The following EYS variants were observed in gnomAD, a reference collection of about 807,000 sequenced individuals.
The protein encoded by EYS is EGF-like photoreceptor maintenance factor.
Under a neutral mutation model 282.1 loss-of-function variants are expected in EYS, and 250 were observed. That is an observed-to-expected ratio of 0.89 (90% CI 0.80 to 0.98). The LOEUF (loss-of-function observed/expected upper bound fraction) is 0.98, where lower values mean the gene tolerates loss of function less well. Ranked by LOEUF, EYS falls within the 50% of genes least tolerant of loss-of-function variation. The pLI is 0.00. For synonymous variants in EYS, 1,355 were observed against 1,282.9 expected (o/e 1.06, Z -1.20); for missense variants, 4,016 against 3,709.0 (o/e 1.08, Z -2.15).
At position 64,593,284 on chromosome 6, in the gene EYS, C is replaced by A; in HGVS notation, c.3710G>T (p.Gly1237Val). 6.5e-7 allele frequency: 1 copy of A among 1,550,186 alleles called. No individual in the cohort carries two copies. Among genetic ancestry groups the A allele is most frequent in the Non-Finnish European group, 8.7e-7 (1 of 1,146,162 alleles). Residue 1237 changes from glycine to valine, a missense_variant, in exon 25 of 43, where the codon GGT becomes GTT. Gly to Val is a moderately radical substitution (Grantham distance 109). Transcript: ENST00000503581. ...ACAGGTAATTCTCCTTATTTCATCA[C>A]CACAAAGAAGCCCAATGGAGCAGGT... ...FMTCSIGLLCGDEIRRITCLT... is the reference protein window; with the variant it reads ...FMTCSIGLLCVDEIRRITCLT...
At chr6:65,104,719 G>T (rs915723773) in intron 12 of EYS, among the ~76,000 whole-genome samples, 1 of 150,926 alleles carries the variant, frequency 6.6e-6, no homozygotes, top group Non-Finnish European at 1.5e-5. Context: ...AGTTTGTATC[G>T]AATACAAAAT....
chr6:65,088,023 A>G (rs1774437211), intron 12 of EYS, among the ~76,000 whole-genome samples: 1 of 151,822 alleles, frequency 6.6e-6, no homozygotes, highest in African/African-American at 2.4e-5. Flanking sequence ...CTCACTCCAT[A>G]CTCCTGTCCT....
At chr6:64,235,038 C>T (rs35150413) in intron 30 of EYS, among the ~76,000 whole-genome samples, 38,781 of 151,492 alleles carry the variant, frequency 0.26, 5,456 homozygotes, top group East Asian at 0.44. Context: ...CCACCACACC[C>T]GGCTAATTTT....
At chr6:65,259,439 A>C (rs1385065591) in intron 12 of EYS, among the ~76,000 whole-genome samples, 2 of 152,108 alleles carry the variant, frequency 1.3e-5, no homozygotes, top group Non-Finnish European at 2.9e-5. Context: ...TTTGTGCACC[A>C]CAGTATAACA....
chr6:65,306,419 A>G (rs1562086367), intron 11 of EYS, among the ~76,000 whole-genome samples: 2 of 152,180 alleles, frequency 1.3e-5, no homozygotes, highest in South Asian at 2.1e-4. Context: ...TGAATGTTGT[A>G]TGATAGCCCT....
intron 13 of EYS, among the ~76,000 whole-genome samples, chr6:65,007,745 C>A (rs1021891024): frequency 6.6e-6 from 1 of 152,078 alleles, no homozygotes; most frequent in Non-Finnish European, 1.5e-5. Flanking sequence ...CCCCTCCAAG[C>A]GGTGGGAGGA....
chr6:63,922,830 C>G (rs2149744786), intron 35 of EYS, among the ~76,000 whole-genome samples: 1 of 151,774 alleles, frequency 6.6e-6, no homozygotes, highest in African/African-American at 2.4e-5. Flanking sequence ...AGAACACTAA[C>G]TCTGATATCT....
At chr6:64,256,122 AT>A (rs1463185858) in intron 30 of EYS, among the ~76,000 whole-genome samples, 1 of 151,970 alleles carries the variant, frequency 6.6e-6, no homozygotes. Flanking sequence ...AATACTCTTA[AT>A]TTTGACAAAA....
intron 24 of EYS, among the ~76,000 whole-genome samples, chr6:64,613,488 A>G (rs181933318): frequency 6.6e-6 from 1 of 152,262 alleles, no homozygotes; most frequent in African/African-American, 2.4e-5. Context: ...CAAACTAAAA[A>G]TCAACTCTTC....
At chr6:65,179,623 A>C (rs1466431687) in intron 12 of EYS, among the ~76,000 whole-genome samples, 2 of 152,150 alleles carry the variant, frequency 1.3e-5, no homozygotes, top group African/African-American at 4.8e-5. Flanking sequence ...ATTCTACCAG[A>C]GGTACAAGGA....
intron 11 of EYS, among the ~76,000 whole-genome samples, chr6:65,315,480 G>A (rs565599954): frequency 3.3e-5 from 5 of 151,982 alleles, no homozygotes; most frequent in South Asian, 2.1e-4. Flanking sequence ...TAACTGTTAC[G>A]CTCATTCTAA....
At position 64,815,271 on chromosome 6, in the gene EYS, C is replaced by G. The variant is rs758101601; in HGVS notation, c.3244-1694G>C. 15 of 430,010 alleles carry G rather than the reference C, an allele frequency of 3.5e-5. No individual in the cohort carries two copies. The East Asian group carries it at 9.8e-4, about 28-fold the overall frequency. 26.6% of individuals were successfully genotyped at this position (430,010 alleles called of 1,614,324 possible). A position where few individuals can be genotyped will look rare whatever the true frequency, so the allele number is the denominator to read the frequency against. ...AACCAAGAGCACATAGTAGACTATCCTGTAGGTATTGCAGTTTTATTTATG... is the reference window on the plus strand; with the variant it reads ...AACCAAGAGCACATAGTAGACTATCGTGTAGGTATTGCAGTTTTATTTATG... On this transcript the variant is annotated intron_variant, in intron 21 of 42. Coordinates refer to ENST00000503581, the MANE Select transcript of EYS (RefSeq NM_001142800.2).
chr6:64,437,983 T>TA (rs1201790809), intron 27 of EYS, among the ~76,000 whole-genome samples: 1 of 151,754 alleles, frequency 6.6e-6, no homozygotes, highest in Non-Finnish European at 1.5e-5. Context: ...ATTAGAATTA[T>TA]ATAAGTTAAT....
intron 14 of EYS, among the ~76,000 whole-genome samples, chr6:64,995,490 G>A (rs779937347): frequency 3.5e-4 from 54 of 152,172 alleles, no homozygotes; most frequent in East Asian, 1.9e-4. Context: ...ATATCTGAAA[G>A]CTATGAAATG....
At chr6:65,187,832 A>G (rs532444965) in intron 12 of EYS, among the ~76,000 whole-genome samples, 32 of 151,834 alleles carry the variant, frequency 2.1e-4, no homozygotes, top group African/African-American at 6.3e-4. Flanking sequence ...ATATTCATAT[A>G]AAAATATTGC....
intron 2 of EYS, among the ~76,000 whole-genome samples, chr6:65,612,298 A>G (rs1257021268): frequency 1.3e-5 from 2 of 151,486 alleles, no homozygotes; most frequent in Non-Finnish European, 3.0e-5. Flanking sequence ...TAATCAAAAG[A>G]TAATTCAGAG....
At chr6:64,394,697 T>C (rs907271367) in intron 28 of EYS, among the ~76,000 whole-genome samples, 3 of 151,820 alleles carry the variant, frequency 2.0e-5, no homozygotes, top group Non-Finnish European at 4.4e-5. Flanking sequence ...AACCTGGGCA[T>C]TACCATTCAG....
At chr6:64,211,561 A>G (rs1003033155) in intron 31 of EYS, among the ~76,000 whole-genome samples, 1 of 143,624 alleles carries the variant, frequency 7.0e-6, no homozygotes, top group African/African-American at 2.6e-5. Context: ...AATCTAATTC[A>G]TATATATATA....
At chr6:65,581,099 A>G (rs1170040802) in intron 2 of EYS, among the ~76,000 whole-genome samples, 1 of 151,976 alleles carries the variant, frequency 6.6e-6, no homozygotes, top group Non-Finnish European at 1.5e-5. Context: ...AGAAATTAAT[A>G]CATGTTATTA....
Sources: gnomAD v4.1 joint callset for allele counts (sites outside exome capture counted in the v4.1 genomes callset) on GRCh38, gnomAD v4.1.1 for gene constraint, MANE v1.5 for transcripts, NCBI Gene and HGNC (gene_info 2026-07-23, HGNC 2026-07-21) for gene names.